Variants in ATG16L2 observed in about 807,000 individuals in gnomAD.
ATG16L2 encodes autophagy related 16 like 2, also known as protein Atg16l2.
ATG16L2 carries 77 observed loss-of-function variants against 84.7 expected under a neutral mutation model. The observed-to-expected ratio is 0.91, with a 90% CI of 0.76 to 1.10. The LOEUF (loss-of-function observed/expected upper bound fraction) is 1.10. Among genes scored for constraint, ATG16L2 ranks in the 50% least tolerant of loss-of-function variants. The probability of loss-of-function intolerance (pLI) is 0.00; values close to 1 mark genes in which losing one functional copy is unlikely to be tolerated. For missense variants in ATG16L2, 782 were observed against 817.6 expected (o/e 0.96, Z 0.53); for synonymous variants, 361 against 342.8 (o/e 1.05, Z -0.59).
At chr11:72,822,000 CG>C in intron 4 of ATG16L2, 43 bp from the exon 5 acceptor site, 1 of 1,465,800 alleles carries the variant, frequency 6.8e-7, no homozygotes, top group Non-Finnish European at 8.9e-7. Context: ...TGGGCAGTGA[CG>C]GGGGAAGCTT....
At chr11:72,835,273 A>C (rs1860700517) in intron 5 of ATG16L2, among the ~76,000 whole-genome samples, 1 of 152,154 alleles carries the variant, frequency 6.6e-6, no homozygotes. Flanking sequence ...AGAGCACTTC[A>C]CACACATTCT....
intron 3 of ATG16L2, among the ~76,000 whole-genome samples, chr11:72,820,961 T>A (rs907987838): frequency 1.3e-5 from 2 of 152,192 alleles, no homozygotes; most frequent in African/African-American, 4.8e-5. Context: ...AGTCCATGCC[T>A]GATCTTAGCC....
intron 5 of ATG16L2, chr11:72,841,675 TCTAAAG>T: frequency 7.6e-7 from 1 of 1,313,020 alleles, no homozygotes; most frequent in Non-Finnish European, 1.0e-6. Context: ...ATGCCTTTTC[TCTAAAG>T]CTAAGCTGAT....
intron 5 of ATG16L2, chr11:72,840,917 G>A: frequency 6.2e-7 from 1 of 1,613,360 alleles, no homozygotes; most frequent in Non-Finnish European, 8.5e-7. Flanking sequence ...AGTATGCCTT[G>A]ATGCCTGTGA....
chr11:72,825,456 TCTCCTCAGCTCA>T, intron 10 of ATG16L2, 49 bp downstream of exon 10: 1 of 1,401,636 alleles, frequency 7.1e-7, no homozygotes, highest in Non-Finnish European at 1.0e-6. Flanking sequence ...CTCCAGACCC[TCTCCTCAGCTCA>T]CTCCTTGGTG....
chr11:72,826,971 A>T (rs993014375), intron 13 of ATG16L2, 148 bp downstream of exon 13: 14 of 981,154 alleles, frequency 1.4e-5, no homozygotes, highest in South Asian at 1.7e-5. Flanking sequence ...CAATTCCCTA[A>T]TGGTATCCCC....
At chr11:72,839,344 A>G (rs1227359388) in intron 5 of ATG16L2, among the ~76,000 whole-genome samples, 10 of 152,220 alleles carry the variant, frequency 6.6e-5, no homozygotes, top group African/African-American at 9.6e-5. Context: ...TCTGTAGGCA[A>G]AAGAGGAGTT....
rs1240675372 is a variant in ATG16L2 at position 72,829,364 on chromosome 11, G to A, written c.1834G>A (p.Gly612Ser). 1.9e-6 allele frequency: 3 copies of A among 1,612,240 alleles called. No individual in the cohort carries two copies. In the South Asian group the frequency reaches 3.3e-5, roughly 18 times the overall value. The change falls in exon 18 of 18, where the codon GGC (glycine) becomes AGC (serine). Residue 612 changes from glycine to serine, a missense_variant. By Grantham distance (56) the Gly-to-Ser change is moderately conservative. Transcript: ENST00000321297. ...SGSHMVSVDQ[G>S]RKVVLWQ ...GAGCCACATGGTGAGCGTGGACCAG[G>A]GCAGGAAGGTTGTGCTCTGGCAGTA...
chr11:72,839,926 A>G (rs1015363486), intron 5 of ATG16L2, among the ~76,000 whole-genome samples: 2 of 152,230 alleles, frequency 1.3e-5, no homozygotes, highest in African/African-American at 4.8e-5. Flanking sequence ...TTATCAGCAG[A>G]GACAGGTGGC....
exon 6 of ATG16L2, chr11:72,843,548 G>C: frequency 6.3e-7 from 1 of 1,598,588 alleles, no homozygotes; most frequent in Non-Finnish European, 8.6e-7. Context: ...GTGTAGGATG[G>C]TCATGGACAA....
downstream of ATG16L2, chr11:72,843,724 C>T: frequency 1.7e-6 from 1 of 572,380 alleles, no homozygotes; most frequent in Non-Finnish European, 3.1e-6. Flanking sequence ...CAGAATAAAA[C>T]CATAACAAAA....
Position 72,822,100 on chromosome 11 carries a change from C to T in ATG16L2, c.449C>T (p.Ala150Val), listed in dbSNP as rs779071640. ...CTGCGAGAGGCGCGGGCGCAGCAGG[C>T]CCAGCAGGTGGAGGAGTGGCGGGCG... Reference protein sequence around the residue: ...AQLREARAQQAQQVEEWRAQN... With the variant: ...AQLREARAQQVQQVEEWRAQN... Residue 150 changes from alanine (A) to valine (V), a missense_variant, in exon 5 of 18, where the codon GCC becomes GTC. Coordinates refer to ENST00000321297, the MANE Select transcript of ATG16L2 (RefSeq NM_033388.2). The surrounding 1 kb of genome is among the most constrained non-coding windows in gnomAD (Gnocchi z 4.2). 2 of 1,538,724 alleles carry T rather than the reference C, an allele frequency of 1.3e-6. No individual in the cohort carries two copies. The highest frequency in any genetic ancestry group is 1.7e-6 in the Non-Finnish European group (2 of 1,153,436).
At chr11:72,823,046 C>T (rs1860109228) in intron 7 of ATG16L2, 85 bp downstream of exon 7, 2 of 977,998 alleles carry the variant, frequency 2.0e-6, no homozygotes, top group Non-Finnish European at 1.5e-6. Context: ...ACCTTGGAGC[C>T]AGCTCTTGGG....
At position 72,828,426 on chromosome 11, in the gene ATG16L2, C is replaced by T. The variant is rs369740786; in HGVS notation, c.1540C>T (p.Gln514Ter). The T allele has an allele frequency of 9.3e-6, 15 of 1,613,946 alleles. No individual in the cohort carries two copies. In the Admixed American group the frequency reaches 1.2e-4, roughly 13 times the overall value. ...RVTSLSLSHD[Q>*]LHLLSCSRDN... is the part of the protein sequence containing the mutation. ...CACCTCCCTGAGCCTCAGCCACGAC[C>T]AACTGCACCTGCTCAGCTGTTCCCG... Residue 514 changes from glutamine (Q) to a stop codon, truncating the protein, a stop_gained, in exon 15 of 18, where the codon CAA becomes TAA. Transcript: ENST00000321297. LOFTEE classifies it high-confidence loss of function.
chr11:72,816,789 G>A lies in ATG16L2; in HGVS notation c.180G>A (p.Glu60=), dbSNP rs569123429. ...AGTTCTCAAAGAAGCTGCAGCCGGAGCCAAACAGTGTCACTCCCACCACCC... is the reference window on the plus strand; with the variant it reads ...AGTTCTCAAAGAAGCTGCAGCCGGAACCAAACAGTGTCACTCCCACCACCC... The part of the protein sequence containing the change: ...LDKFSKKLQP[E]PNSVTPTTHQ... Residue 60 remains glutamate (E), a synonymous_variant, in exon 2 of 18, where the codon GAG becomes GAA. Transcript: ENST00000321297. 1.2e-6 allele frequency: 2 copies of A among 1,614,254 alleles called. No homozygotes were observed. Among genetic ancestry groups the A allele is most frequent in the Admixed American group, 1.7e-5 (1 of 60,036 alleles).
Position 72,829,292 on chromosome 11 carries a change from C to G in ATG16L2, c.1773-11C>G. 1 of 1,612,358 alleles carries G rather than the reference C, an allele frequency of 6.2e-7. No homozygotes were observed. Among genetic ancestry groups the G allele is most frequent in the East Asian group, 2.2e-5 (1 of 44,848 alleles). On this transcript the variant is annotated splice_polypyrimidine_tract_variant and intron_variant, in intron 17 of 17. Coordinates refer to ENST00000321297, the MANE Select transcript of ATG16L2 (RefSeq NM_033388.2). ...GAAGCCCCCCTGAAGCCTGCCCCTC[C>G]CTTTCCCCAGCGCTGCCGTCAACGC... is the stretch of plus-strand genomic sequence containing the variant.
At chr11:72,840,557 A>C (rs1860891334) in intron 5 of ATG16L2, among the ~76,000 whole-genome samples, 1 of 152,208 alleles carries the variant, frequency 6.6e-6, no homozygotes, top group East Asian at 1.9e-4. Flanking sequence ...TGGAAAATTA[A>C]ATGCTTACTG....
At chr11:72,842,932 G>A (rs1861006605) in exon 6 of ATG16L2, 1 of 1,014,904 alleles carries the variant, frequency 9.9e-7, no homozygotes, top group African/African-American at 1.6e-5. Context: ...AACTAAAAGA[G>A]CATCATACAG....
At chr11:72,831,432 G>A (rs1860603518), downstream of ATG16L2, among the ~76,000 whole-genome samples, 1 of 152,222 alleles carries the variant, frequency 6.6e-6, no homozygotes. Context: ...CGGAACCCAG[G>A]AGGAGGAGGT....
Sources: gnomAD v4.1 joint callset for allele counts (sites outside exome capture counted in the v4.1 genomes callset) on GRCh38, gnomAD v4.1.1 for gene constraint, Gnocchi (gnomAD v3.1) non-coding constraint, MANE v1.5 for transcripts, NCBI Gene and HGNC (gene_info 2026-07-23, HGNC 2026-07-21) for gene names.